The following SPACA1 variants were observed in gnomAD, a reference collection of about 807,000 sequenced individuals.
The protein encoded by SPACA1 is sperm acrosome membrane-associated protein 1.
A neutral mutation model predicts 32.6 loss-of-function variants in SPACA1; 17 were observed. That is an observed-to-expected ratio of 0.52 (90% CI 0.36 to 0.78). SPACA1 has a LOEUF of 0.78. SPACA1 is among the 30% of genes least tolerant of loss of function. SPACA1 has a pLI of 0.01. For missense variants in SPACA1, 363 were observed against 373.4 expected (o/e 0.97, Z 0.23); for synonymous variants, 140 against 138.1 (o/e 1.01, Z -0.10).
chr6:88,054,633 A>T (rs1452433158), intron 2 of SPACA1, among the ~76,000 whole-genome samples: 1 of 152,174 alleles, frequency 6.6e-6, no homozygotes, highest in Admixed American at 6.5e-5. Flanking sequence ...ATCAAATTAA[A>T]TTTCTTCTAA....
chr6:88,053,945 GTT>G lies in SPACA1; in HGVS notation c.210_211del (p.Ser71LysfsTer2). The G allele has an allele frequency of 6.2e-7, 1 of 1,612,696 alleles. No individual in the cohort carries two copies. The highest frequency in any genetic ancestry group is 1.7e-4 in the Middle Eastern group (1 of 6,054). ...ENYAPPETED[V>X]SNRNVVKEVE... Reference sequence around the variant, plus strand: ...AATGTATCTTTACCCTTTATGTTTAGTTTCAAATAGGAATGTCGTCAAAGAAG... The same window carrying G: ...AATGTATCTTTACCCTTTATGTTTAGTCAAATAGGAATGTCGTCAAAGAAG... On this transcript the variant is annotated frameshift_variant and splice_region_variant, in exon 2 of 7. Transcript: ENST00000237201. LOFTEE classifies it high-confidence loss of function.
rs201338817 is a variant in SPACA1 at position 88,059,521 on chromosome 6, C to T, written c.543C>T (p.Phe181=). 1.4e-4 allele frequency: 224 copies of T among 1,613,358 alleles called. No individual in the cohort carries two copies. Among genetic ancestry groups the T allele is most frequent in the Middle Eastern group, 1.2e-3 (7 of 6,058 alleles). Reference sequence around the variant, plus strand: ...GCAAGGAAAGTCACCCCTTGGCTTTCGAGTGTGACACACTGGATAATAATG... The same window carrying T: ...GCAAGGAAAGTCACCCCTTGGCTTTTGAGTGTGACACACTGGATAATAATG... ...EVRKESHPLA[F]ECDTLDNNEI... is the part of the protein sequence containing the mutation. The change falls in exon 5 of 7, where the codon TTC becomes TTT. Residue 181 remains phenylalanine, a synonymous_variant. Transcript: ENST00000237201.
intron 1 of SPACA1, among the ~76,000 whole-genome samples, chr6:88,051,147 A>G (rs1239325814): frequency 7.0e-6 from 1 of 143,048 alleles, no homozygotes; most frequent in African/African-American, 2.6e-5. Context: ...ACTCTGTCTT[A>G]AAAAAAAAAA....
At chr6:88,054,299 G>A (rs1217074985) in intron 2 of SPACA1, among the ~76,000 whole-genome samples, 2 of 150,518 alleles carry the variant, frequency 1.3e-5, no homozygotes, top group African/African-American at 2.4e-5. Context: ...TTCAGAAGAC[G>A]AAAGATTTTC....
At position 88,061,016 on chromosome 6, in the gene SPACA1, C is replaced by T. The variant is rs1428469768; in HGVS notation, c.610+1428C>T. Among the ~76,000 whole-genome samples, 4 of 152,334 alleles carry T rather than the reference C, an allele frequency of 2.6e-5. No homozygotes were observed. The East Asian group carries it at 5.8e-4, about 22-fold the overall frequency. ...ATTGAATGACAAAATATTTTAAAAA[C>T]ACTCCAGTATCTACTAATTTCTTTA... On this transcript the variant is annotated intron_variant, in intron 5 of 6. Transcript: ENST00000237201.
intron 1 of SPACA1, among the ~76,000 whole-genome samples, chr6:88,052,943 T>C (rs1418014373): frequency 6.6e-6 from 1 of 152,228 alleles, no homozygotes; most frequent in Non-Finnish European, 1.5e-5. Context: ...AAAAAAACAT[T>C]AAATTAATAA....
At chr6:88,048,157 T>G in intron 1 of SPACA1, 44 bp downstream of exon 1, 1 of 1,534,592 alleles carries the variant, frequency 6.5e-7, no homozygotes, top group Non-Finnish European at 8.8e-7. Context: ...AGGCCCCTGT[T>G]GACGGAGCAA....
intron 1 of SPACA1, 26 bp downstream of exon 1, chr6:88,048,139 GCA>G: frequency 1.9e-6 from 3 of 1,557,000 alleles, no homozygotes; most frequent in Non-Finnish European, 1.7e-6. Flanking sequence ...CCCTTGCGGG[GCA>G]CGCGGAGGCC....
intron 1 of SPACA1, among the ~76,000 whole-genome samples, chr6:88,051,954 T>C (rs1293652170): frequency 6.6e-6 from 1 of 152,240 alleles, no homozygotes. Flanking sequence ...TGACACCAAC[T>C]GGTTAATTAA....
chr6:88,062,207 A>G (rs1775907653), intron 5 of SPACA1, among the ~76,000 whole-genome samples: 1 of 152,238 alleles, frequency 6.6e-6, no homozygotes, highest in Non-Finnish European at 1.5e-5. Context: ...TAGAATTACT[A>G]GGCAAAATGG....
At chr6:88,062,374 C>A (rs1208468391) in intron 5 of SPACA1, among the ~76,000 whole-genome samples, 1 of 152,000 alleles carries the variant, frequency 6.6e-6, no homozygotes, top group Non-Finnish European at 1.5e-5. Flanking sequence ...ATTAAACCTC[C>A]CTGGGCCTTG....
chr6:88,058,642 A>G (rs77119212), intron 3 of SPACA1, 74 bp from the exon 4 acceptor site: 4 of 828,402 alleles, frequency 4.8e-6, no homozygotes, highest in East Asian at 6.5e-5. Flanking sequence ...CTGTCTCAGG[A>G]AAAAAAAAAG....
rs1775848480 is a variant in SPACA1, at chr6:88,058,811, A to G, written c.463A>G (p.Arg155Gly). ...TTTCAAATATATGTGGAAACTTCTA[A>G]GACAAGACCAAGTGAGTAATGAATG... ...NRFKYMWKLL[R>G]QDQQSIILVN... Residue 155 changes from arginine to glycine, a missense_variant, in exon 4 of 7, where the codon AGA becomes GGA. Arg to Gly is a moderately radical substitution (Grantham distance 125, BLOSUM62 -2). Coordinates refer to ENST00000237201, the MANE Select transcript of SPACA1 (RefSeq NM_030960.3). 1 of 1,608,810 alleles carries G rather than the reference A, an allele frequency of 6.2e-7. No individual in the cohort carries two copies.
At chr6:88,053,479 C>T (rs1775761075) in intron 1 of SPACA1, among the ~76,000 whole-genome samples, 1 of 152,054 alleles carries the variant, frequency 6.6e-6, no homozygotes, top group Non-Finnish European at 1.5e-5. Context: ...CCATCTTAAC[C>T]TGGGAAATGA....
chr6:88,061,021 C>T (rs1775889258), intron 5 of SPACA1, among the ~76,000 whole-genome samples: 1 of 152,186 alleles, frequency 6.6e-6, no homozygotes, highest in South Asian at 2.1e-4. Context: ...AAAAACACTC[C>T]AGTATCTACT....
At chr6:88,050,070 C>T (rs116148228) in intron 1 of SPACA1, among the ~76,000 whole-genome samples, 3,755 of 152,262 alleles carry the variant, frequency 0.025, 171 homozygotes, top group African/African-American at 0.085. Context: ...TTACTCATTT[C>T]TACATAATCT....
Position 88,055,041 on chromosome 6 carries a change from G to GT in SPACA1, c.265+1050dup, listed in dbSNP as rs546993513. On this transcript the variant is annotated intron_variant, in intron 2 of 6. Transcript: ENST00000237201. ...CTATCTCTTAAAATTGTTTTAACCTGTTTTTTTTTTTAACCTTAATTTCTT... is the reference window on the plus strand; with the variant it reads ...CTATCTCTTAAAATTGTTTTAACCTGTTTTTTTTTTTTAACCTTAATTTCTT... Among the ~76,000 whole-genome samples the GT allele has an allele frequency of 1.8e-3, 260 of 144,060 alleles. 2 individuals carry two copies. Among genetic ancestry groups the GT allele is most frequent in the African/African-American group, 4.6e-3 (181 of 39,488 alleles). 94.5% of individuals were successfully genotyped at this position (144,060 alleles called of 152,430 possible).
At chr6:88,051,908 A>G (rs985895338) in intron 1 of SPACA1, among the ~76,000 whole-genome samples, 3 of 152,244 alleles carry the variant, frequency 2.0e-5, no homozygotes, top group African/African-American at 7.2e-5. Flanking sequence ...AATGTTGAAC[A>G]GGACAGAGCC....
At chr6:88,054,982 C>T (rs1161511344) in intron 2 of SPACA1, among the ~76,000 whole-genome samples, 1 of 152,014 alleles carries the variant, frequency 6.6e-6, no homozygotes, top group South Asian at 2.1e-4. Flanking sequence ...TCCTGTTCCC[C>T]CCTCCTCCCA....
Sources: gnomAD v4.1 joint callset for allele counts (sites outside exome capture counted in the v4.1 genomes callset) on GRCh38, gnomAD v4.1.1 for gene constraint, MANE v1.5 for transcripts, NCBI Gene and HGNC (gene_info 2026-07-23, HGNC 2026-07-21) for gene names.